The following HSDL2 variants were observed in gnomAD, a reference collection of about 807,000 sequenced individuals.
HSDL2 encodes the protein hydroxysteroid dehydrogenase-like protein 2.
Under a neutral mutation model 46.3 loss-of-function variants are expected in HSDL2, and 27 were observed. That is an observed-to-expected ratio of 0.58 (90% CI 0.43 to 0.80). The LOEUF (loss-of-function observed/expected upper bound fraction) is 0.80, where lower values mean the gene tolerates loss of function less well. Among genes scored for constraint, HSDL2 ranks in the 30% least tolerant of loss-of-function variants. HSDL2 has a pLI of 0.00. For synonymous variants in HSDL2, 153 were observed against 163.6 expected, an observed-to-expected ratio of 0.94 and a Z score of 0.50; for missense variants, 451 against 502.7, an observed-to-expected ratio of 0.90 and a Z score of 0.98.
At chr9:112,437,040 A>G (rs1832543624) in intron 6 of HSDL2, among the ~76,000 whole-genome samples, 1 of 141,898 alleles carries the variant, frequency 7.0e-6, no homozygotes, top group South Asian at 2.2e-4. Context: ...GCTCATTGCA[A>G]CCTCTGCCTC....
intron 8 of HSDL2, among the ~76,000 whole-genome samples, chr9:112,443,339 C>T (rs571108269): frequency 1.3e-5 from 2 of 152,168 alleles, no homozygotes; most frequent in African/African-American, 4.8e-5. Flanking sequence ...CATGCATTGT[C>T]CTGTTTAATA....
chr9:112,390,169 G>T (rs2132598038), intron 1 of HSDL2, among the ~76,000 whole-genome samples: 1 of 152,040 alleles, frequency 6.6e-6, no homozygotes, highest in East Asian at 1.9e-4. Context: ...TCTTGAAGAA[G>T]AATAAATTGG....
chr9:112,395,619 A>G (rs1384647590), intron 1 of HSDL2, among the ~76,000 whole-genome samples: 8 of 152,264 alleles, frequency 5.3e-5, no homozygotes, highest in Non-Finnish European at 1.2e-4. Context: ...ATTTATGTAA[A>G]GCAATATGAA....
At chr9:112,410,085 T>A (rs548175359) in intron 4 of HSDL2, among the ~76,000 whole-genome samples, 1 of 152,052 alleles carries the variant, frequency 6.6e-6, no homozygotes, top group South Asian at 2.1e-4. Context: ...TCATTATGAA[T>A]CACACTTTAT....
At chr9:112,442,223 C>T (rs372792857) in intron 8 of HSDL2, among the ~76,000 whole-genome samples, 4 of 129,738 alleles carry the variant, frequency 3.1e-5, no homozygotes, top group African/African-American at 1.2e-4. Flanking sequence ...GAGCCGTGAT[C>T]GTGCCACTGC....
intron 6 of HSDL2, among the ~76,000 whole-genome samples, chr9:112,426,165 C>T (rs62569990): frequency 0.14 from 21,963 of 151,712 alleles, 1,867 homozygotes; most frequent in East Asian, 0.19. Flanking sequence ...CTCTGTAGTC[C>T]GTGGGCTGGC....
At chr9:112,428,041 A>T (rs1452578509) in intron 6 of HSDL2, among the ~76,000 whole-genome samples, 1 of 152,204 alleles carries the variant, frequency 6.6e-6, no homozygotes, top group African/African-American at 2.4e-5. Flanking sequence ...GAACATATCC[A>T]GAGTTGCTTC....
intron 2 of HSDL2, 46 bp from the exon 3 acceptor site, chr9:112,405,578 T>C: frequency 7.5e-7 from 1 of 1,324,946 alleles, no homozygotes; most frequent in Non-Finnish European, 1.1e-6. Flanking sequence ...AAAGGTATAA[T>C]ATTTAAATGC....
At chr9:112,384,514 A>G (rs996844445) in intron 1 of HSDL2, among the ~76,000 whole-genome samples, 1 of 151,908 alleles carries the variant, frequency 6.6e-6, no homozygotes, top group Non-Finnish European at 1.5e-5. Flanking sequence ...TAGTTGGGAC[A>G]TTTTCTTGTA....
intron 1 of HSDL2, among the ~76,000 whole-genome samples, chr9:112,401,351 G>C (rs1831587611): frequency 6.9e-6 from 1 of 144,944 alleles, no homozygotes; most frequent in South Asian, 2.2e-4. Flanking sequence ...CTAGCTACTT[G>C]AGTGGTGAGG....
At chr9:112,413,218 C>T (rs1160614790) in intron 4 of HSDL2, among the ~76,000 whole-genome samples, 3 of 152,108 alleles carry the variant, frequency 2.0e-5, no homozygotes, top group Non-Finnish European at 4.4e-5. Flanking sequence ...GTGGCTCACG[C>T]CTGTAATCCC....
At chr9:112,446,098 T>G (rs903106867) in intron 8 of HSDL2, among the ~76,000 whole-genome samples, 7 of 127,192 alleles carry the variant, frequency 5.5e-5, no homozygotes. Flanking sequence ...ATTTTTTTCA[T>G]AGGCATCAGG....
At chr9:112,386,696 T>A (rs186400549) in intron 1 of HSDL2, among the ~76,000 whole-genome samples, 1 of 151,860 alleles carries the variant, frequency 6.6e-6, no homozygotes, top group Non-Finnish European at 1.5e-5. Flanking sequence ...AGTGGGAGGA[T>A]TAGTTGAGCT....
rs1280103684 is a variant in HSDL2, at chr9:112,471,206, T to C, written c.*662T>C. On this transcript the variant is annotated 3_prime_UTR_variant, in exon 11 of 11. Coordinates refer to ENST00000398805, the MANE Select transcript of HSDL2 (RefSeq NM_032303.5). ...CAAAATAATTTTCTCCCTAGGAGTA[T>C]GCATTTGGCTACAGTGTTTTGAAAC... 6.6e-6 allele frequency: 1 copy of C among 152,266 alleles called. No individual in the cohort carries two copies. Among genetic ancestry groups the C allele is most frequent in the Non-Finnish European group, 1.5e-5 (1 of 68,056 alleles). 9.4% of individuals were successfully genotyped at this position (152,266 alleles called of 1,614,324 possible).
chr9:112,438,807 A>G (rs1832584030), intron 7 of HSDL2, 182 bp downstream of exon 7: 1 of 461,452 alleles, frequency 2.2e-6, no homozygotes, highest in Non-Finnish European at 3.8e-6. Flanking sequence ...TGAATGAAAA[A>G]TAGAGGTGAG....
At chr9:112,395,959 G>A (rs1831447789) in intron 1 of HSDL2, among the ~76,000 whole-genome samples, 1 of 152,214 alleles carries the variant, frequency 6.6e-6, no homozygotes, top group Non-Finnish European at 1.5e-5. Flanking sequence ...AGGAGGCGTA[G>A]CAGTGGCCGT....
chr9:112,463,588 C>A (rs540605608), intron 10 of HSDL2, among the ~76,000 whole-genome samples: 16 of 152,324 alleles, frequency 1.1e-4, no homozygotes, highest in African/African-American at 3.8e-4. Context: ...ATAGGTAGTA[C>A]ACCCAGAGTT....
At chr9:112,391,840 G>A (rs1831350385) in intron 1 of HSDL2, among the ~76,000 whole-genome samples, 1 of 150,230 alleles carries the variant, frequency 6.7e-6, no homozygotes, top group Non-Finnish European at 1.5e-5. Flanking sequence ...AGGAGGTGGA[G>A]GTTGCAGTGA....
intron 1 of HSDL2, among the ~76,000 whole-genome samples, chr9:112,400,084 G>A (rs564812856): frequency 9.2e-5 from 14 of 152,174 alleles, no homozygotes; most frequent in Admixed American, 2.6e-4. Flanking sequence ...CCCTCCGTTC[G>A]GGGTCCCTGA....
Sources: gnomAD v4.1 joint callset for allele counts (sites outside exome capture counted in the v4.1 genomes callset) on GRCh38, gnomAD v4.1.1 for gene constraint, MANE v1.5 for transcripts, NCBI Gene and HGNC (gene_info 2026-07-23, HGNC 2026-07-21) for gene names.